FEZ2: variants seen among roughly 807,000 people sequenced by gnomAD.
The protein encoded by FEZ2 is fasciculation and elongation protein zeta-2.
Under a neutral mutation model 40.4 loss-of-function variants are expected in FEZ2, and 51 were observed. The ratio of observed to expected loss-of-function variants is 1.26; its 90% confidence interval spans 1.01 to 1.59. The LOEUF is 1.59. FEZ2 is among the 40% of genes most tolerant of loss of function. The pLI is 0.00. For synonymous variants in FEZ2, 242 were observed against 172.0 expected (o/e 1.41, Z -3.18); for missense variants, 640 against 438.3 (o/e 1.46, Z -4.11).
chr2:36,553,123 G>C lies in FEZ2; in HGVS notation c.*40C>G. 2 of 1,544,746 alleles carry C rather than the reference G, an allele frequency of 1.3e-6. No individual in the cohort carries two copies. Among genetic ancestry groups the C allele is most frequent in the Non-Finnish European group, 1.8e-6 (2 of 1,136,784 alleles). ...GCCAGCTCTCAGAATAATGCTGTCG[G>C]AAATCTAGCTTGGAGCCCACCGCAG... On this transcript the variant is annotated 3_prime_UTR_variant, in exon 8 of 8. Coordinates refer to ENST00000405912, the MANE Select transcript of FEZ2 (RefSeq NM_005102.3).
intron 4 of FEZ2, 64 bp from the exon 5 acceptor site, chr2:36,578,929 G>C (rs6722592): frequency 5.1e-6 from 7 of 1,381,362 alleles, no homozygotes; most frequent in South Asian, 1.3e-5. Flanking sequence ...GCAAAACAGA[G>C]TAGTCACTAG....
At chr2:36,587,667 T>A (rs1573028709) in intron 2 of FEZ2, among the ~76,000 whole-genome samples, 1 of 149,078 alleles carries the variant, frequency 6.7e-6, no homozygotes, top group Non-Finnish European at 1.5e-5. Flanking sequence ...TCAAAAAAAA[T>A]TTCTATACAC....
chr2:36,581,505 C>A, intron 3 of FEZ2, 74 bp from the exon 4 acceptor site: 1 of 1,345,232 alleles, frequency 7.4e-7, no homozygotes, highest in Non-Finnish European at 1.1e-6. Flanking sequence ...CAGTGCTCAC[C>A]TAAGGCACCC....
intron 6 of FEZ2, chr2:36,557,825 A>G (rs911405592): frequency 6.6e-6 from 1 of 152,150 alleles, no homozygotes; most frequent in South Asian, 2.1e-4. Context: ...ACTCAATATC[A>G]TGTATATTTA....
chr2:36,556,685 C>A (rs1667969573), intron 6 of FEZ2: 1 of 152,184 alleles, frequency 6.6e-6, no homozygotes, highest in African/African-American at 2.4e-5. Context: ...GATTTAATCT[C>A]AAAGGTTTGT....
chr2:36,555,876 G>C (rs1667946664), intron 6 of FEZ2, 128 bp from the exon 7 acceptor site: 4 of 663,988 alleles, frequency 6.0e-6, no homozygotes, highest in Non-Finnish European at 1.1e-5. Flanking sequence ...CAAATTATAG[G>C]TGATTTTCCT....
chr2:36,596,292 G>C (rs1669219837), intron 1 of FEZ2, among the ~76,000 whole-genome samples: 2 of 152,184 alleles, frequency 1.3e-5, no homozygotes, highest in South Asian at 2.1e-4. Context: ...GTCTTTACAA[G>C]CTTCCTACCT....
chr2:36,566,987 A>G (rs1668261148), intron 5 of FEZ2, among the ~76,000 whole-genome samples: 1 of 152,172 alleles, frequency 6.6e-6, no homozygotes, highest in Non-Finnish European at 1.5e-5. Flanking sequence ...GACTAAATAA[A>G]TGAGTGCTCC....
chr2:36,574,453 G>A (rs944216072), intron 5 of FEZ2, among the ~76,000 whole-genome samples: 22 of 151,784 alleles, frequency 1.4e-4, no homozygotes, highest in African/African-American at 5.3e-4. Flanking sequence ...CTTATCATTA[G>A]GGACATAAAA....
Position 36,583,388 on chromosome 2 carries a change from A to C in FEZ2, c.457T>G (p.Cys153Gly), listed in dbSNP as rs765884027. ...GTGAAGAGGGGTTCATCATTAACAC[A>C]GGAGACGATGATTGAGTGCATATCC... is the stretch of plus-strand genomic sequence containing the variant. ...QLDMHSIIVS[C>G]VNDEPLFTAD... Residue 153 changes from cysteine (C) to glycine (G), a missense_variant, in exon 3 of 8, where the codon TGT (cysteine) becomes GGT (glycine). By Grantham distance (159) the Cys-to-Gly change is radical (BLOSUM62 -3). Transcript: ENST00000405912. The C allele has an allele frequency of 6.2e-7, 1 of 1,602,382 alleles. No homozygotes were observed. The highest frequency in any genetic ancestry group is 2.2e-5 in the East Asian group (1 of 44,806).
chr2:36,583,209 G>T (rs1027694840), intron 3 of FEZ2, 144 bp downstream of exon 3: 14 of 536,610 alleles, frequency 2.6e-5, no homozygotes, highest in Non-Finnish European at 3.7e-5. Context: ...TTTCTCTGTG[G>T]AAGAGTTAAC....
chr2:36,580,144 C>A (rs1668689791), intron 4 of FEZ2, among the ~76,000 whole-genome samples: 1 of 152,222 alleles, frequency 6.6e-6, no homozygotes, highest in Non-Finnish European at 1.5e-5. Flanking sequence ...GCCACCCACT[C>A]TGTGGTACTT....
At chr2:36,573,986 T>A (rs1189259687) in intron 5 of FEZ2, among the ~76,000 whole-genome samples, 7 of 152,224 alleles carry the variant, frequency 4.6e-5, no homozygotes, top group African/African-American at 1.7e-4. Flanking sequence ...TCTATCAGTT[T>A]CAGTGAGTGG....
intron 1 of FEZ2, among the ~76,000 whole-genome samples, chr2:36,597,344 GTCTC>G (rs1416585585): frequency 6.6e-6 from 1 of 152,148 alleles, no homozygotes. Flanking sequence ...ACGCTTTTAA[GTCTC>G]TCACATTTGG....
chr2:36,574,516 G>C (rs1200762031), intron 5 of FEZ2, among the ~76,000 whole-genome samples: 2 of 151,918 alleles, frequency 1.3e-5, no homozygotes, highest in African/African-American at 4.8e-5. Context: ...AGTGATAATA[G>C]AAATACTAAA....
intron 5 of FEZ2, among the ~76,000 whole-genome samples, chr2:36,573,566 A>C (rs1403072647): frequency 6.6e-6 from 1 of 152,266 alleles, no homozygotes; most frequent in Admixed American, 6.5e-5. Flanking sequence ...ACAAACATGC[A>C]TTAAGTGATG....
At chr2:36,575,403 G>A (rs1170602171) in intron 5 of FEZ2, among the ~76,000 whole-genome samples, 1 of 151,606 alleles carries the variant, frequency 6.6e-6, no homozygotes, top group Non-Finnish European at 1.5e-5. Context: ...TGCCCAGTCT[G>A]GCCTCAAACT....
chr2:36,578,377 C>A lies in FEZ2; in HGVS notation c.903+220G>T, dbSNP rs187113735. Among the ~76,000 whole-genome samples the A allele has an allele frequency of 3.3e-5, 5 of 152,316 alleles. No individual in the cohort carries two copies. In the East Asian group the frequency reaches 9.6e-4, roughly 29 times the overall value. ...CCACTTACATCCTTGCTAAACATTT[C>A]AGTATTATTCAGATAACCAGTACAC... On this transcript the variant is annotated intron_variant, in intron 5 of 7. Coordinates refer to ENST00000405912, the MANE Select transcript of FEZ2 (RefSeq NM_005102.3).
At chr2:36,553,646 G>C (rs3770810) in intron 7 of FEZ2, among the ~76,000 whole-genome samples, 3 of 152,138 alleles carry the variant, frequency 2.0e-5, no homozygotes, top group African/African-American at 7.2e-5. Flanking sequence ...AGGCAGGTGC[G>C]AGAAAGAGAA....
Sources: allele counts gnomAD v4.1 joint callset (sites outside exome capture counted in the v4.1 genomes callset), GRCh38; gene constraint gnomAD v4.1.1; transcripts MANE v1.5; gene names NCBI Gene and HGNC (gene_info 2026-07-23, HGNC 2026-07-21).